The following DNAH12 variants were observed in gnomAD, a reference collection of about 807,000 sequenced individuals.
DNAH12 encodes the protein axonemal beta dynein heavy chain 12.
Under a neutral mutation model 371.5 loss-of-function variants are expected in DNAH12, and 285 were observed. That is an observed-to-expected ratio of 0.77 (90% confidence interval 0.70 to 0.85). The LOEUF (loss-of-function observed/expected upper bound fraction) is 0.85. Among genes scored for constraint, DNAH12 ranks in the 40% least tolerant of loss-of-function variants. The probability of loss-of-function intolerance (pLI) is 0.00; values close to 1 mark genes in which losing one functional copy is unlikely to be tolerated. For missense variants in DNAH12, 3,611 were observed against 3,689.4 expected, an observed-to-expected ratio of 0.98 and a Z score of 0.55; for synonymous variants, 1,200 against 1,213.0, an observed-to-expected ratio of 0.99 and a Z score of 0.22.
At chr3:57,469,042 T>C (rs1362847551) in intron 16 of DNAH12, 63 bp from the exon 17 acceptor site, 19 of 1,395,558 alleles carry the variant, frequency 1.4e-5, no homozygotes, top group Admixed American at 2.9e-5. Context: ...GCCTTAGAGA[T>C]CCTTTAGGCT....
intron 17 of DNAH12, among the ~76,000 whole-genome samples, chr3:57,464,660 G>C (rs1204824192): frequency 6.6e-6 from 1 of 152,116 alleles, no homozygotes; most frequent in Admixed American, 6.5e-5. Flanking sequence ...CAAAGAACCA[G>C]TAACTGACTC....
chr3:57,445,930 G>C (rs1455886570), intron 27 of DNAH12, 101 bp downstream of exon 27: 1 of 1,179,162 alleles, frequency 8.5e-7, no homozygotes, highest in African/African-American at 1.6e-5. Context: ...GGAGGTTGCA[G>C]TGAGCCAAGA....
chr3:57,521,934 T>C (rs1265041947), intron 4 of DNAH12, among the ~76,000 whole-genome samples: 1 of 150,402 alleles, frequency 6.6e-6, no homozygotes, highest in Non-Finnish European at 1.5e-5. Flanking sequence ...ATAGAAAAAA[T>C]ATCTTTTGGC....
chr3:57,443,149 G>A (rs1209803441), intron 29 of DNAH12, among the ~76,000 whole-genome samples: 6 of 152,040 alleles, frequency 3.9e-5, no homozygotes, highest in East Asian at 1.9e-4. Flanking sequence ...TTGCTCTGTC[G>A]CACAGGCTGG....
chr3:57,329,114 ATT>A (rs1364991420), intron 62 of DNAH12, among the ~76,000 whole-genome samples: 1 of 148,876 alleles, frequency 6.7e-6, no homozygotes, highest in African/African-American at 2.5e-5. Context: ...AAGAATCAAT[ATT>A]GTGAAAATGG....
Position 57,510,780 on chromosome 3 carries a change from T to C in DNAH12, c.469+10A>G. On this transcript the variant is annotated intron_variant, in intron 5 of 73. Coordinates refer to ENST00000495027, the MANE Select transcript of DNAH12 (RefSeq NM_001366028.2). ...TGAAAGAAGCCTGGTGTGTGTTAGATGCTACTTACCCAAATATCTCTTCAT... is the reference window on the plus strand; with the variant it reads ...TGAAAGAAGCCTGGTGTGTGTTAGACGCTACTTACCCAAATATCTCTTCAT... The C allele has an allele frequency of 1.2e-6, 2 of 1,612,782 alleles. No homozygotes were observed. The highest frequency in any genetic ancestry group is 1.7e-6 in the Non-Finnish European group (2 of 1,179,668).
chr3:57,375,750 C>T (rs1232538228), intron 54 of DNAH12, 68 bp downstream of exon 54: 1 of 151,870 alleles, frequency 6.6e-6, no homozygotes, highest in East Asian at 1.9e-4. Context: ...ATCATCCTTT[C>T]CCCCAAAATA....
intron 9 of DNAH12, 133 bp from the exon 10 acceptor site, chr3:57,502,612 C>G (rs552978952): frequency 1.1e-6 from 1 of 904,184 alleles, no homozygotes; most frequent in Non-Finnish European, 1.6e-6. Flanking sequence ...CGCATTGGTG[C>G]GATCTCGGCT....
chr3:57,470,574 A>ATT lies in DNAH12; in HGVS notation c.1973_1974insAA (p.Phe658LeufsTer14). 6.5e-7 allele frequency: 1 copy of ATT among 1,549,736 alleles called. No homozygotes were observed. The highest frequency in any genetic ancestry group is 1.2e-5 in the South Asian group (1 of 83,250). On this transcript the variant is annotated frameshift_variant, in exon 16 of 74. Transcript: ENST00000495027. LOFTEE classifies it high-confidence loss of function. ...TGAAAAGTTCCTCTTCTTTATTAAT[A>ATT]AACTGCACTGCTTCTTCAGATTCCT...
At chr3:57,514,019 G>A (rs1451526380) in intron 4 of DNAH12, among the ~76,000 whole-genome samples, 2 of 152,166 alleles carry the variant, frequency 1.3e-5, no homozygotes, top group Admixed American at 6.6e-5. Context: ...ATACATTCGT[G>A]TTCTGTGCAG....
chr3:57,453,333 A>G lies in DNAH12; in HGVS notation c.3527T>C (p.Leu1176Ser), dbSNP rs1342713557. Residue 1176 changes from leucine to serine, a missense_variant, in exon 24 of 74, where the codon TTG becomes TCG. Physicochemically the swap from Leu to Ser is moderately radical, Grantham distance 145. Around this residue, in one of 3 missense-constraint regions of DNAH12, gnomAD observed 1,314 missense variants for 1,398.7 expected, o/e 0.94. Coordinates refer to ENST00000495027, the MANE Select transcript of DNAH12 (RefSeq NM_001366028.2). Reference sequence around the variant, plus strand: ...CAGAGTGGTCCTGGTCTGCTTAGACAACTTTCCTCTTACCAGCTCTACAAT... The same window carrying G: ...CAGAGTGGTCCTGGTCTGCTTAGACGACTTTCCTCTTACCAGCTCTACAAT... Reference protein sequence around the residue: ...NEIVELVRGKLSKQTRTTLGA... With the variant: ...NEIVELVRGKSSKQTRTTLGA... The G allele has an allele frequency of 2.6e-6, 4 of 1,551,308 alleles. No homozygotes were observed. In the African/African-American group the frequency reaches 4.1e-5, roughly 16 times the overall value.
chr3:57,543,383 C>T (rs1003120613), intron 1 of DNAH12, among the ~76,000 whole-genome samples: 6 of 126,756 alleles, frequency 4.7e-5, no homozygotes, highest in African/African-American at 1.6e-4. Flanking sequence ...AGTGCAATGG[C>T]GCGATCTTGG....
chr3:57,314,383 T>C (rs535255181), intron 66 of DNAH12, 111 bp downstream of exon 66: 2 of 1,301,512 alleles, frequency 1.5e-6, no homozygotes, highest in African/African-American at 1.5e-5. Context: ...TATTACCATC[T>C]ACCCACCTGT....
intron 55 of DNAH12, among the ~76,000 whole-genome samples, chr3:57,373,307 T>C (rs1575516600): frequency 1.7e-5 from 2 of 120,004 alleles, no homozygotes; most frequent in East Asian, 4.8e-4. Flanking sequence ...TTAATCTATA[T>C]TACTCAACTG....
chr3:57,441,412 AC>A (rs1235439474), intron 29 of DNAH12, among the ~76,000 whole-genome samples: 1 of 152,224 alleles, frequency 6.6e-6, no homozygotes, highest in Non-Finnish European at 1.5e-5. Flanking sequence ...CATGAGAGAC[AC>A]ATGAAACTAT....
intron 38 of DNAH12, among the ~76,000 whole-genome samples, chr3:57,414,542 C>A (rs190095410): frequency 6.6e-6 from 1 of 152,122 alleles, no homozygotes; most frequent in Non-Finnish European, 1.5e-5. Context: ...CCTCCTCCCC[C>A]GCTCCACTCT....
chr3:57,555,971 G>A, the DNAH12 span, among the ~76,000 whole-genome samples: 3 of 152,248 alleles, frequency 2.0e-5, no homozygotes, highest in Non-Finnish European at 2.9e-5. Flanking sequence ...AGGGAGGAGA[G>A]CTGGTCAGCC....
chr3:57,479,242 GA>G (rs2066648594), intron 13 of DNAH12, among the ~76,000 whole-genome samples: 1 of 151,456 alleles, frequency 6.6e-6, no homozygotes, highest in South Asian at 2.1e-4. Context: ...CAAGCAAATG[GA>G]AAACAAAAAA....
chr3:57,377,278 T>C (rs1402963220), intron 52 of DNAH12, 56 bp from the exon 53 acceptor site: 5 of 152,168 alleles, frequency 3.3e-5, no homozygotes, highest in African/African-American at 9.6e-5. Context: ...CTGATATCTA[T>C]ATAATTCCTC....
Sources: allele counts gnomAD v4.1 joint callset (sites outside exome capture counted in the v4.1 genomes callset), GRCh38; gene constraint gnomAD v4.1.1; regional missense constraint gnomAD v4.1.1; transcripts MANE v1.5; gene names NCBI Gene and HGNC (gene_info 2026-07-23, HGNC 2026-07-21).